Variants in MAP7 observed in about 807,000 individuals in gnomAD.
MAP7 encodes the protein microtubule associated protein 7.
A neutral mutation model predicts 94.8 loss-of-function variants in MAP7; 52 were observed. The ratio of observed to expected loss-of-function variants is 0.55; its 90% CI spans 0.44 to 0.69. MAP7 has a LOEUF of 0.69. MAP7 is among the 30% of genes least tolerant of loss of function. MAP7 has a pLI of 0.00. For missense variants in MAP7, 940 were observed against 964.6 expected (o/e 0.97, Z 0.34); for synonymous variants, 350 against 357.0 (o/e 0.98, Z 0.22).
At chr6:136,427,080 G>A (rs984974606) in intron 1 of MAP7, among the ~76,000 whole-genome samples, 1 of 152,182 alleles carries the variant, frequency 6.6e-6, no homozygotes, top group Admixed American at 6.5e-5. Context: ...TGACCATTAC[G>A]TGGTAAAAAG....
intron 16 of MAP7, among the ~76,000 whole-genome samples, chr6:136,353,913 G>A (rs1242284060): frequency 6.6e-6 from 1 of 152,008 alleles, no homozygotes; most frequent in African/African-American, 2.4e-5. Flanking sequence ...CCAGGGACTT[G>A]GTCAGTGGGG....
At chr6:136,477,494 C>A (rs763332953) in intron 1 of MAP7, among the ~76,000 whole-genome samples, 13 of 152,030 alleles carry the variant, frequency 8.6e-5, no homozygotes, top group Non-Finnish European at 1.8e-4. Flanking sequence ...TGGAAACCCC[C>A]AAAAGAGGAG....
At chr6:136,361,382 G>A (rs1792720005) in intron 11 of MAP7, among the ~76,000 whole-genome samples, 1 of 152,210 alleles carries the variant, frequency 6.6e-6, no homozygotes, top group African/African-American at 2.4e-5. Flanking sequence ...ATTGCTGTCC[G>A]TGCTAAATAG....
chr6:136,427,657 T>G (rs1411686614), intron 1 of MAP7, among the ~76,000 whole-genome samples: 2 of 152,258 alleles, frequency 1.3e-5, no homozygotes, highest in African/African-American at 2.4e-5. Flanking sequence ...TAGGATCATC[T>G]GATAATGATA....
intron 1 of MAP7, chr6:136,545,512 A>T (rs1217998211): frequency 6.6e-6 from 1 of 152,070 alleles, no homozygotes; most frequent in African/African-American, 2.4e-5. Context: ...CACTTCCCCC[A>T]CTACCCTACC....
At chr6:136,482,416 T>C (rs1813133144) in intron 1 of MAP7, among the ~76,000 whole-genome samples, 1 of 151,768 alleles carries the variant, frequency 6.6e-6, no homozygotes, top group African/African-American at 2.4e-5. Flanking sequence ...CTGGACAACA[T>C]GGTGAAACCC....
At chr6:136,376,260 G>T (rs150103513) in intron 7 of MAP7, among the ~76,000 whole-genome samples, 8,342 of 152,174 alleles carry the variant, frequency 0.055, 302 homozygotes, top group East Asian at 0.1. Context: ...CACCACGCCC[G>T]GCTAATTTTT....
At chr6:136,429,696 C>T (rs1191783271) in intron 1 of MAP7, among the ~76,000 whole-genome samples, 1 of 152,206 alleles carries the variant, frequency 6.6e-6, no homozygotes, top group African/African-American at 2.4e-5. Context: ...ATCACAAATG[C>T]TTTCTGACAC....
At chr6:136,521,370 G>A (rs1826362411) in intron 1 of MAP7, among the ~76,000 whole-genome samples, 1 of 152,134 alleles carries the variant, frequency 6.6e-6, no homozygotes, top group South Asian at 2.1e-4. Flanking sequence ...GTTGGAAAGA[G>A]GAAAGACTGA....
rs1301897726 is a variant in MAP7 at position 136,414,984 on chromosome 6, T to C, written c.167-3287A>G. Among the ~76,000 whole-genome samples, 3 of 152,060 alleles carry C rather than the reference T, an allele frequency of 2.0e-5. No individual in the cohort carries two copies. The South Asian group carries it at 6.2e-4, about 32-fold the overall frequency. ...CATGCGCCACCAGGCCCAGCTATTG[T>C]ATTTTTAGTACAGACAGGGTTTCAC... On this transcript the variant is annotated intron_variant, in intron 2 of 17. Coordinates refer to ENST00000354570, the MANE Select transcript of MAP7 (RefSeq NM_003980.6).
chr6:136,503,651 T>A (rs757931395), intron 1 of MAP7, among the ~76,000 whole-genome samples: 25 of 152,196 alleles, frequency 1.6e-4, no homozygotes, highest in Non-Finnish European at 3.2e-4. Flanking sequence ...TTCCATTATT[T>A]AAAAAAATCT....
intron 6 of MAP7, among the ~76,000 whole-genome samples, chr6:136,379,398 T>G (rs1267666592): frequency 2.6e-5 from 4 of 152,172 alleles, no homozygotes; most frequent in Non-Finnish European, 4.4e-5. Flanking sequence ...TTAAATATTA[T>G]CTGACATTAA....
chr6:136,510,765 T>C (rs2129030084), intron 1 of MAP7, among the ~76,000 whole-genome samples: 1 of 152,258 alleles, frequency 6.6e-6, no homozygotes, highest in Admixed American at 6.5e-5. Flanking sequence ...GTCTAATTTA[T>C]AAATTAAACT....
chr6:136,344,360 T>A (rs1787117311), intron 17 of MAP7, 122 bp from the exon 18 acceptor site: 1 of 382,876 alleles, frequency 2.6e-6, no homozygotes, highest in Non-Finnish European at 4.6e-6. Context: ...TACACTTATA[T>A]AAGAATAGGC....
intron 1 of MAP7, among the ~76,000 whole-genome samples, chr6:136,503,234 A>G (rs1056124441): frequency 1.4e-4 from 21 of 152,154 alleles, no homozygotes; most frequent in African/African-American, 5.1e-4. Context: ...GAAGGCGGCC[A>G]ACTTAACTTT....
intron 1 of MAP7, among the ~76,000 whole-genome samples, chr6:136,466,170 T>C (rs953231650): frequency 2.6e-5 from 4 of 152,108 alleles, no homozygotes; most frequent in Non-Finnish European, 5.9e-5. Flanking sequence ...ATAATGTTTC[T>C]GATATAAAAC....
intron 1 of MAP7, among the ~76,000 whole-genome samples, chr6:136,446,551 T>C (rs1469325254): frequency 6.6e-6 from 1 of 152,144 alleles, no homozygotes; most frequent in African/African-American, 2.4e-5. Flanking sequence ...TCCCCAGAAG[T>C]TGGGGAGGTG....
At chr6:136,454,942 G>A (rs1802417425) in intron 1 of MAP7, among the ~76,000 whole-genome samples, 4 of 151,982 alleles carry the variant, frequency 2.6e-5, no homozygotes, top group Admixed American at 2.6e-4. Flanking sequence ...TTCATCCAAA[G>A]GACTACTTGA....
chr6:136,414,554 T>A (rs550490630), intron 2 of MAP7, among the ~76,000 whole-genome samples: 2 of 152,050 alleles, frequency 1.3e-5, no homozygotes, highest in African/African-American at 4.8e-5. Flanking sequence ...GAACTCGGGA[T>A]AAAAGTCAAG....
Sources: allele counts gnomAD v4.1 joint callset (sites outside exome capture counted in the v4.1 genomes callset), GRCh38; gene constraint gnomAD v4.1.1; transcripts MANE v1.5; gene names NCBI Gene and HGNC (gene_info 2026-07-23, HGNC 2026-07-21).